Variants in CSMD1 observed in about 807,000 individuals in gnomAD.
CSMD1 encodes the protein CUB and sushi domain-containing protein 1.
CSMD1 carries 213 observed loss-of-function variants against 417.5 expected under a neutral mutation model. That is an observed-to-expected ratio of 0.51 (90% CI 0.46 to 0.57). The LOEUF (loss-of-function observed/expected upper bound fraction) is 0.57. Among genes scored for constraint, CSMD1 ranks in the 20% least tolerant of loss-of-function variants. The pLI is 0.00. For missense variants in CSMD1, 6,923 were observed against 4,529.7 expected (o/e 1.53, Z -15.17); for synonymous variants, 2,862 against 1,736.8 (o/e 1.65, Z -16.11).
chr8:3,714,024 G>GCAGA (rs1563301667), intron 6 of CSMD1, among the ~76,000 whole-genome samples: 4 of 42,964 alleles, frequency 9.3e-5, no homozygotes, highest in African/African-American at 2.9e-4. Flanking sequence ...GGCTCACTAT[G>GCAGA]CAGATAGATA....
chr8:4,391,155 C>G (rs1803825243), intron 3 of CSMD1, among the ~76,000 whole-genome samples: 1 of 152,148 alleles, frequency 6.6e-6, no homozygotes, highest in Non-Finnish European at 1.5e-5. Flanking sequence ...TGTGCTCAGG[C>G]AAGTATGGCA....
intron 3 of CSMD1, among the ~76,000 whole-genome samples, chr8:4,166,612 T>C (rs572346420): frequency 1.6e-4 from 25 of 152,126 alleles, no homozygotes; most frequent in African/African-American, 4.6e-4. Context: ...CGGTGAACTG[T>C]AGGATGGGAG....
At chr8:3,463,927 G>A (rs1475424512) in intron 12 of CSMD1, among the ~76,000 whole-genome samples, 1 of 152,128 alleles carries the variant, frequency 6.6e-6, no homozygotes, top group Non-Finnish European at 1.5e-5. Flanking sequence ...AGACTGAGAT[G>A]CCTACACAAA....
intron 3 of CSMD1, among the ~76,000 whole-genome samples, chr8:4,209,520 A>C (rs752213593): frequency 1.3e-5 from 2 of 152,132 alleles, no homozygotes; most frequent in Non-Finnish European, 2.9e-5. Flanking sequence ...CCTCTCTGGG[A>C]AACAGGAGCC....
At chr8:4,111,812 C>T (rs994409533) in intron 3 of CSMD1, among the ~76,000 whole-genome samples, 3 of 152,090 alleles carry the variant, frequency 2.0e-5, no homozygotes, top group Non-Finnish European at 2.9e-5. Flanking sequence ...ATAGCTAATA[C>T]ATATGGGGCT....
rs560416564 is a variant in CSMD1 at position 3,988,839 on chromosome 8, T to C, written c.818+9064A>G. 2.6e-5 allele frequency among the ~76,000 whole-genome samples: 4 copies of C among 152,332 alleles called. No individual in the cohort carries two copies. In the South Asian group the frequency reaches 8.3e-4, roughly 32 times the overall value. ...AAGGGTCATCATTTAGGTCCTATTTTTTCCTTTAAAGTGATATTATTACTG... is the reference window on the plus strand; with the variant it reads ...AAGGGTCATCATTTAGGTCCTATTTCTTCCTTTAAAGTGATATTATTACTG... On this transcript the variant is annotated intron_variant, in intron 5 of 69. Transcript: ENST00000635120.
chr8:3,746,524 A>C (rs572511578), intron 6 of CSMD1, among the ~76,000 whole-genome samples: 2 of 152,334 alleles, frequency 1.3e-5, no homozygotes, highest in Admixed American at 6.5e-5. Flanking sequence ...ATCAATACAT[A>C]AAAGTGCACT....
At chr8:3,937,340 A>T (rs907105492) in intron 5 of CSMD1, among the ~76,000 whole-genome samples, 3 of 152,164 alleles carry the variant, frequency 2.0e-5, no homozygotes, top group Non-Finnish European at 2.9e-5. Flanking sequence ...GCTATATAGA[A>T]ATATTTCATT....
At chr8:4,081,337 G>C (rs1317347213) in intron 3 of CSMD1, among the ~76,000 whole-genome samples, 1 of 152,090 alleles carries the variant, frequency 6.6e-6, no homozygotes, top group East Asian at 1.9e-4. Context: ...GGTTTGATAG[G>C]GTTAAACAAC....
intron 1 of CSMD1, among the ~76,000 whole-genome samples, chr8:4,664,695 C>A (rs1250994893): frequency 6.6e-6 from 1 of 152,042 alleles, no homozygotes; most frequent in South Asian, 2.1e-4. Context: ...CCATACACAG[C>A]AAAAATAAAA....
rs200801458 is a variant in CSMD1, at chr8:4,181,370, T to TA, written c.416-149272_416-149271insT. Among the ~76,000 whole-genome samples the TA allele has an allele frequency of 8.6e-3, 1,299 of 150,902 alleles. 9 individuals carry two copies. The highest frequency in any genetic ancestry group is 0.014 in the Non-Finnish European group (980 of 67,950). On this transcript the variant is annotated intron_variant, in intron 3 of 69. Coordinates refer to ENST00000635120, the MANE Select transcript of CSMD1 (RefSeq NM_033225.6). ...ACGGTTTCTCATTTATTTATTTATT[T>TA]TTTTTTTGAATGCTTAAACTATAAG...
chr8:4,985,371 A>ATAAAG (rs1563933897), intron 1 of CSMD1, among the ~76,000 whole-genome samples: 1 of 151,316 alleles, frequency 6.6e-6, no homozygotes, highest in African/African-American at 2.4e-5. Context: ...GGAACTTAAA[A>ATAAAG]GTTTTTTTTA....
At chr8:3,740,560 G>A (rs1796747554) in intron 6 of CSMD1, among the ~76,000 whole-genome samples, 2 of 152,156 alleles carry the variant, frequency 1.3e-5, no homozygotes, top group South Asian at 2.1e-4. Flanking sequence ...TCTGCCACAG[G>A]GAAAGTTATA....
intron 5 of CSMD1, among the ~76,000 whole-genome samples, chr8:3,966,035 C>G (rs150805657): frequency 6.6e-6 from 1 of 152,170 alleles, no homozygotes; most frequent in Admixed American, 6.5e-5. Flanking sequence ...GCAGAAGACA[C>G]TGGTGAGAGA....
At chr8:3,582,551 C>G (rs891875700) in intron 9 of CSMD1, among the ~76,000 whole-genome samples, 2 of 152,120 alleles carry the variant, frequency 1.3e-5, no homozygotes, top group Non-Finnish European at 2.9e-5. Flanking sequence ...GGAAGAAAAT[C>G]ATAACTGTAA....
At chr8:3,893,934 C>T (rs1004950992) in intron 5 of CSMD1, among the ~76,000 whole-genome samples, 1 of 152,036 alleles carries the variant, frequency 6.6e-6, no homozygotes, top group African/African-American at 2.4e-5. Context: ...ACAGTTACCG[C>T]ACGTGTGCAC....
chr8:4,281,713 A>G (rs1186672647), intron 3 of CSMD1, among the ~76,000 whole-genome samples: 3 of 152,216 alleles, frequency 2.0e-5, no homozygotes, highest in Non-Finnish European at 4.4e-5. Context: ...CATTTTTTGT[A>G]TAAACATTAA....
At chr8:3,086,973 TA>T in intron 49 of CSMD1, 123 bp downstream of exon 49, 1 of 896,164 alleles carries the variant, frequency 1.1e-6, no homozygotes. Context: ...CGTACTGTTA[TA>T]AGCCAACATT....
intron 3 of CSMD1, among the ~76,000 whole-genome samples, chr8:4,253,544 T>G (rs1041182803): frequency 3.9e-5 from 6 of 152,162 alleles, no homozygotes; most frequent in South Asian, 4.1e-4. Flanking sequence ...ATGATGTTAT[T>G]TAATCTTGGA....
Sources: gnomAD v4.1 joint callset for allele counts (sites outside exome capture counted in the v4.1 genomes callset) on GRCh38, gnomAD v4.1.1 for gene constraint, MANE v1.5 for transcripts, NCBI Gene and HGNC (gene_info 2026-07-23, HGNC 2026-07-21) for gene names.